Variants in RAF1 observed in about 807,000 individuals in gnomAD.
RAF1 encodes RAF proto-oncogene serine/threonine-protein kinase.
In RAF1, 27 loss-of-function variants were observed where a neutral mutation model predicts 81.1. The ratio of observed to expected loss-of-function variants is 0.33; its 90% CI spans 0.25 to 0.46. The LOEUF is 0.46. RAF1 is among the 20% of genes least tolerant of loss of function. The pLI, the probability that RAF1 is intolerant of heterozygous loss-of-function variation, is 1.00. For missense variants in RAF1, 598 were observed against 826.0 expected (o/e 0.72, Z 3.38); for synonymous variants, 298 against 294.0 (o/e 1.01, Z -0.14).
chr3:12,655,904 C>T (rs972414277), intron 1 of RAF1, among the ~76,000 whole-genome samples: 6 of 151,664 alleles, frequency 4.0e-5, no homozygotes, highest in African/African-American at 9.7e-5. Context: ...ATAGGGGTTA[C>T]GAGGAACTGG....
chr3:12,598,368 C>T (rs1207904779), intron 11 of RAF1, among the ~76,000 whole-genome samples: 1 of 152,076 alleles, frequency 6.6e-6, no homozygotes, highest in Non-Finnish European at 1.5e-5. Context: ...AATGTTCAGT[C>T]GGGTGCCAAT....
At chr3:12,592,027 C>G in intron 11 of RAF1, 2 of 558,508 alleles carry the variant, frequency 3.6e-6, no homozygotes, top group Non-Finnish European at 6.4e-6. Flanking sequence ...ATCCTCCCAC[C>G]TTGGCCTCCC....
chr3:12,638,586 C>A (rs1391211217), intron 1 of RAF1, among the ~76,000 whole-genome samples: 1 of 152,236 alleles, frequency 6.6e-6, no homozygotes, highest in African/African-American at 2.4e-5. Context: ...ATTCCCTTCA[C>A]AGTTGTTTTA....
At chr3:12,618,817 A>G in intron 1 of RAF1, 70 bp from the exon 2 acceptor site, 1 of 1,218,808 alleles carries the variant, frequency 8.2e-7, no homozygotes, top group Non-Finnish European at 1.2e-6. Flanking sequence ...ATACATAAAG[A>G]GTAATTATGA....
intron 2 of RAF1, among the ~76,000 whole-genome samples, chr3:12,613,500 A>T (rs986016548): frequency 1.4e-5 from 2 of 146,172 alleles, no homozygotes; most frequent in Admixed American, 1.4e-4. Flanking sequence ...AGGGGGAAGG[A>T]AGTAAAGCAG....
At chr3:12,620,615 C>T (rs1042162681) in intron 1 of RAF1, among the ~76,000 whole-genome samples, 12 of 152,054 alleles carry the variant, frequency 7.9e-5, no homozygotes, top group Admixed American at 7.9e-4. Flanking sequence ...GGACCACAGA[C>T]GTGCATCACC....
intron 1 of RAF1, among the ~76,000 whole-genome samples, chr3:12,640,359 T>C (rs537097187): frequency 6.6e-6 from 1 of 152,212 alleles, no homozygotes; most frequent in African/African-American, 2.4e-5. Flanking sequence ...AAAGCCCAAA[T>C]TGACAAATGG....
At chr3:12,611,569 G>A (rs2059209723) in intron 3 of RAF1, among the ~76,000 whole-genome samples, 1 of 152,062 alleles carries the variant, frequency 6.6e-6, no homozygotes, top group South Asian at 2.1e-4. Context: ...GCGCGGTGGT[G>A]GGCGCCTGTA....
At chr3:12,601,196 A>G (rs2058851817) in intron 8 of RAF1, among the ~76,000 whole-genome samples, 1 of 152,214 alleles carries the variant, frequency 6.6e-6, no homozygotes, top group Non-Finnish European at 1.5e-5. Context: ...TTCAAAACCT[A>G]CATTTTACAT....
At position 12,600,081 on chromosome 3, in the gene RAF1, G is replaced by T. The variant is rs946482710; in HGVS notation, c.1050+71C>A. On this transcript the variant is annotated intron_variant, in intron 10 of 17. Transcript: ENST00000442415. ...GAATCTTCTCCCAAAATAAGTTTAA[G>T]TATTCTAATTTCCAACGAGGTTTTT... 6.9e-6 allele frequency: 11 copies of T among 1,586,692 alleles called. No homozygotes were observed. The Admixed American group carries it at 1.3e-4, about 19-fold the overall frequency.
chr3:12,611,597 G>C (rs999012548), intron 3 of RAF1, among the ~76,000 whole-genome samples: 1 of 152,164 alleles, frequency 6.6e-6, no homozygotes, highest in Non-Finnish European at 1.5e-5. Context: ...CTACTCCGGA[G>C]GCTGAGGCAG....
intron 1 of RAF1, among the ~76,000 whole-genome samples, chr3:12,660,899 A>G (rs2060854836): frequency 6.6e-6 from 1 of 152,146 alleles, no homozygotes. Flanking sequence ...GCTTAAACCC[A>G]GGAGGCAGAG....
At chr3:12,632,774 CAT>C (rs1248953289) in intron 1 of RAF1, among the ~76,000 whole-genome samples, 3 of 152,184 alleles carry the variant, frequency 2.0e-5, no homozygotes, top group Non-Finnish European at 4.4e-5. Flanking sequence ...TTTTCACACT[CAT>C]GTGTGAGATG....
At position 12,583,844 on chromosome 3, in the gene RAF1, A is replaced by ATT. The variant is rs2058223551; in HGVS notation, c.*668_*669dup. The ATT allele has an allele frequency of 4.3e-6, 1 of 234,048 alleles. No homozygotes were observed. The highest frequency in any genetic ancestry group is 8.4e-6 in the Non-Finnish European group (1 of 118,544). 14.5% of individuals were successfully genotyped at this position (234,048 alleles called of 1,614,324 possible). ...ATAGGGGCAGCTCCTGGAAGACAAAATTCAGCATGATGGAAGACTGCTCCC... is the reference window on the plus strand; with the variant it reads ...ATAGGGGCAGCTCCTGGAAGACAAAATTTTCAGCATGATGGAAGACTGCTCCC... On this transcript the variant is annotated 3_prime_UTR_variant, in exon 18 of 18. Coordinates refer to ENST00000442415, the MANE Select transcript of RAF1 (RefSeq NM_001354689.3).
chr3:12,654,510 G>A (rs907842290), intron 1 of RAF1, among the ~76,000 whole-genome samples: 2 of 151,554 alleles, frequency 1.3e-5, no homozygotes, highest in Admixed American at 6.6e-5. Context: ...GTTCAGGAGG[G>A]AAGATGGCTT....
chr3:12,603,054 CTAACT>C lies in RAF1; in HGVS notation c.894+419_894+423del, dbSNP rs1385501768. ...TTTTTAATGCCCTTGGCCTCAAAAT[CTAACT>C]TAACATTTTTTGTTTGTTTTTAAGG... On this transcript the variant is annotated intron_variant, in intron 8 of 17. Coordinates refer to ENST00000442415, the MANE Select transcript of RAF1 (RefSeq NM_001354689.3). 2.6e-5 allele frequency among the ~76,000 whole-genome samples: 4 copies of C among 152,068 alleles called. 1 individual carries two copies. Among genetic ancestry groups the C allele is most frequent in the South Asian group, 4.2e-4 (2 of 4,818 alleles).
In RAF1 at chr3:12,585,555, G is replaced by A. The variant is rs1372673666; in HGVS notation, c.1596+126C>T. The A allele has an allele frequency of 4.4e-6, 6 of 1,348,558 alleles. No homozygotes were observed. The Admixed American group carries it at 7.5e-5, about 17-fold the overall frequency. The allele number at this position is 1,348,558 out of a possible 1,614,324, so 83.5% of individuals were successfully genotyped here. A position where few individuals can be genotyped will look rare whatever the true frequency, so the allele number is the denominator to read the frequency against. ...GAAAATCTACAATTGCCCTGAGGCTGGCTGTCACTAGGGGTCATGTGGATT... is the reference window on the plus strand; with the variant it reads ...GAAAATCTACAATTGCCCTGAGGCTAGCTGTCACTAGGGGTCATGTGGATT... On this transcript the variant is annotated intron_variant, in intron 15 of 17. Coordinates refer to ENST00000442415, the MANE Select transcript of RAF1 (RefSeq NM_001354689.3).
chr3:12,602,969 G>A (rs1173349810), intron 8 of RAF1, among the ~76,000 whole-genome samples: 2 of 152,254 alleles, frequency 1.3e-5, no homozygotes, highest in South Asian at 4.1e-4. Flanking sequence ...CCAATGCTGT[G>A]AGCACCAACT....
intron 1 of RAF1, among the ~76,000 whole-genome samples, chr3:12,632,759 T>C (rs1056195301): frequency 5.3e-5 from 8 of 152,218 alleles, no homozygotes; most frequent in Admixed American, 2.6e-4. Flanking sequence ...ATAAGCATGA[T>C]TGAGTTTTCA....
Sources: gnomAD v4.1 joint callset for allele counts (sites outside exome capture counted in the v4.1 genomes callset) on GRCh38, gnomAD v4.1.1 for gene constraint, MANE v1.5 for transcripts, NCBI Gene and HGNC (gene_info 2026-07-23, HGNC 2026-07-21) for gene names.